NUP153: variants seen among roughly 807,000 people sequenced by gnomAD.
NUP153 encodes nucleoporin 153.
In NUP153, 27 loss-of-function variants were observed where a neutral mutation model predicts 134.6. That is an observed-to-expected ratio of 0.20 (90% CI 0.15 to 0.28). The LOEUF (loss-of-function observed/expected upper bound fraction) is 0.28, where lower values mean the gene tolerates loss of function less well. Among genes scored for constraint, NUP153 ranks in the 10% least tolerant of loss-of-function variants. The pLI, the probability that NUP153 is intolerant of heterozygous loss-of-function variation, is 1.00. For missense variants in NUP153, 1,821 were observed against 1,731.3 expected (o/e 1.05, Z -0.92); for synonymous variants, 640 against 623.5 (o/e 1.03, Z -0.40).
intron 2 of NUP153, among the ~76,000 whole-genome samples, chr6:17,677,913 T>C (rs1412858059): frequency 1.3e-5 from 2 of 152,122 alleles, no homozygotes; most frequent in Non-Finnish European, 2.9e-5. Context: ...TTTTCAATAT[T>C]AACTTTGTGT....
chr6:17,690,547 A>G (rs1258260195), intron 1 of NUP153, among the ~76,000 whole-genome samples: 3 of 152,228 alleles, frequency 2.0e-5, no homozygotes, highest in African/African-American at 7.2e-5. Context: ...TTTACAAGGT[A>G]TAACAGAAAC....
At chr6:17,682,385 A>C (rs1768639744) in intron 2 of NUP153, among the ~76,000 whole-genome samples, 2 of 152,150 alleles carry the variant, frequency 1.3e-5, no homozygotes, top group Non-Finnish European at 2.9e-5. Flanking sequence ...TGGTTGTAGC[A>C]ATTTCTTAAA....
intron 5 of NUP153, among the ~76,000 whole-genome samples, chr6:17,672,952 A>G (rs933037254): frequency 2.6e-5 from 4 of 152,212 alleles, no homozygotes. Context: ...AGAAGAAAAC[A>G]TAAGACAAAA....
At chr6:17,664,850 C>T (rs558619619) in intron 9 of NUP153, among the ~76,000 whole-genome samples, 2 of 151,894 alleles carry the variant, frequency 1.3e-5, no homozygotes, top group Admixed American at 6.6e-5. Flanking sequence ...GTCAGGAGTT[C>T]GAGACCAGCC....
chr6:17,659,301 T>C (rs147438534), intron 11 of NUP153, among the ~76,000 whole-genome samples: 21 of 152,326 alleles, frequency 1.4e-4, no homozygotes, highest in African/African-American at 4.8e-4. Context: ...CAAATTTATT[T>C]CTCGTTGGCA....
intron 14 of NUP153, among the ~76,000 whole-genome samples, chr6:17,645,003 T>C (rs1467526093): frequency 6.6e-6 from 1 of 151,920 alleles, no homozygotes; most frequent in Admixed American, 6.6e-5. Context: ...GAGAATGGCA[T>C]GAACCTGGGA....
At chr6:17,637,922 T>A (rs564714475) in intron 15 of NUP153, 152 bp from the exon 16 acceptor site, 1 of 842,332 alleles carries the variant, frequency 1.2e-6, no homozygotes, top group East Asian at 2.7e-5. Context: ...ACTTAAGTAA[T>A]CATATTTATC....
chr6:17,663,285 A>G (rs1260134252), intron 9 of NUP153, among the ~76,000 whole-genome samples: 1 of 146,926 alleles, frequency 6.8e-6, no homozygotes, highest in East Asian at 1.9e-4. Context: ...ATTTTGAGTC[A>G]GGGTCTTACT....
intron 20 of NUP153, among the ~76,000 whole-genome samples, chr6:17,621,283 A>G (rs1160392920): frequency 6.6e-6 from 1 of 152,206 alleles, no homozygotes; most frequent in African/African-American, 2.4e-5. Context: ...ACCGTTATGG[A>G]AAACAGTAAG....
At chr6:17,631,164 A>G (rs138049037) in intron 17 of NUP153, among the ~76,000 whole-genome samples, 23 of 152,324 alleles carry the variant, frequency 1.5e-4, no homozygotes, top group Non-Finnish European at 2.9e-4. Flanking sequence ...TTTAAAATAA[A>G]ATAAAACAGA....
In NUP153 at chr6:17,637,041, A is replaced by T. The variant is rs918728043; in HGVS notation, c.2464+112T>A. 3.8e-6 allele frequency: 4 copies of T among 1,061,204 alleles called. No homozygotes were observed. The African/African-American group carries it at 6.4e-5, about 17-fold the overall frequency. The allele number at this position is 1,061,204 out of a possible 1,614,324, so 65.7% of individuals were successfully genotyped here. A position where few individuals can be genotyped will look rare whatever the true frequency, so the allele number is the denominator to read the frequency against. On this transcript the variant is annotated intron_variant, in intron 16 of 21. Transcript: ENST00000262077. ...ACCTCAAGATAGTTTAGAAAAATTA[A>T]TATGTATGAGAAATGCTCATCCTGA...
At position 17,629,353 on chromosome 6, in the gene NUP153, C is replaced by T. The variant is rs760895542; in HGVS notation, c.2846G>A (p.Gly949Asp). ...TCCTATTGGTTTAGAAAATTTAAAG[C>T]CTTCACTCATGGGGTTTATAGACCC... ...DSGSINPMSE[G>D]FKFSKPIGDF... is the part of the protein sequence containing the mutation. The change falls in exon 18 of 22, where the codon GGC (glycine) becomes GAC (aspartate). Residue 949 changes from glycine to aspartate, a missense_variant. By Grantham distance (94) the Gly-to-Asp change is moderately conservative. Coordinates refer to ENST00000262077, the MANE Select transcript of NUP153 (RefSeq NM_005124.4). 1 of 1,611,210 alleles carries T rather than the reference C, an allele frequency of 6.2e-7. No homozygotes were observed. Among genetic ancestry groups the T allele is most frequent in the Admixed American group, 1.7e-5 (1 of 59,376 alleles).
chr6:17,695,740 T>C lies in NUP153; in HGVS notation c.112-7122A>G, dbSNP rs559245057. Among the ~76,000 whole-genome samples, 16 of 152,316 alleles carry C rather than the reference T, an allele frequency of 1.1e-4. No homozygotes were observed. In the East Asian group the frequency reaches 3.1e-3, roughly 29 times the overall value. On this transcript the variant is annotated intron_variant, in intron 1 of 21. Transcript: ENST00000262077. ...AGAGTTAACAGGGGGCTGGGCACGG[T>C]GGCTCACGCCTGTAATCCCAACACT... is the stretch of plus-strand genomic sequence containing the variant.
At chr6:17,696,607 T>TA (rs1374645316) in intron 1 of NUP153, among the ~76,000 whole-genome samples, 2 of 151,852 alleles carry the variant, frequency 1.3e-5, no homozygotes, top group Non-Finnish European at 2.9e-5. Flanking sequence ...TATAAAAAAT[T>TA]AGCTGGGTGT....
Position 17,628,872 on chromosome 6 carries a change from C to A in NUP153, c.3327G>T (p.Glu1109Asp), listed in dbSNP as rs1156598432. 3.1e-6 allele frequency: 5 copies of A among 1,614,188 alleles called. No homozygotes were observed. In the South Asian group the frequency reaches 5.5e-5, roughly 18 times the overall value. Reference sequence around the variant, plus strand: ...AAACTAGGGAAGTAGAAGTGACAGGCTCTTGCTGTTTCTCTTCTGTCCTTC... The same window carrying A: ...AAACTAGGGAAGTAGAAGTGACAGGATCTTGCTGTTTCTCTTCTGTCCTTC... ...VLGRTEEKQQ[E>D]PVTSTSLVFG... Residue 1109 changes from glutamate to aspartate, a missense_variant, in exon 18 of 22, where the codon GAG becomes GAT. Transcript: ENST00000262077. This position sits in a 1 kb window ranked among gnomAD's most constrained non-coding sequence, Gnocchi z 5.4.
rs1764340718 is a variant in NUP153, at chr6:17,616,585, G to C, written c.4285C>G (p.Gln1429Glu). ...GGAAAGCCCCCCGAGCCTGAAGGCT[G>C]GGCTGAGGCTGCAGGTGTGCTAGAA... ...ANSSTPAASA[Q>E]PSGSGGFPFN... Residue 1429 changes from glutamine (Q) to glutamate (E), a missense_variant, in exon 21 of 22, where the codon CAG (glutamine) becomes GAG (glutamate). Physicochemically the swap from Gln to Glu is conservative, Grantham distance 29 (BLOSUM62 2). Coordinates refer to ENST00000262077, the MANE Select transcript of NUP153 (RefSeq NM_005124.4). 6.2e-7 allele frequency: 1 copy of C among 1,614,062 alleles called. No individual in the cohort carries two copies. The highest frequency in any genetic ancestry group is 1.3e-5 in the African/African-American group (1 of 74,934).
At chr6:17,633,528 G>GTT (rs1348141413) in intron 16 of NUP153, among the ~76,000 whole-genome samples, 2 of 152,182 alleles carry the variant, frequency 1.3e-5, no homozygotes, top group Non-Finnish European at 2.9e-5. Flanking sequence ...GATGCTCATG[G>GTT]TCTTAAAGGG....
chr6:17,693,373 A>C (rs1423340560), intron 1 of NUP153, among the ~76,000 whole-genome samples: 1 of 152,038 alleles, frequency 6.6e-6, no homozygotes, highest in Non-Finnish European at 1.5e-5. Context: ...GAATGGGAGT[A>C]AAGAGAGGTC....
intron 5 of NUP153, among the ~76,000 whole-genome samples, chr6:17,673,839 C>A (rs1768057273): frequency 6.6e-6 from 1 of 152,176 alleles, no homozygotes; most frequent in African/African-American, 2.4e-5. Flanking sequence ...TATGACCCAT[C>A]AATTCAACTC....
Sources: allele counts gnomAD v4.1 joint callset (sites outside exome capture counted in the v4.1 genomes callset), GRCh38; gene constraint gnomAD v4.1.1; non-coding constraint Gnocchi (gnomAD v3.1); transcripts MANE v1.5; gene names NCBI Gene and HGNC (gene_info 2026-07-23, HGNC 2026-07-21).